Variants in ZNF143 observed in about 807,000 individuals in gnomAD.
ZNF143 encodes the protein SPH-binding factor.
ZNF143 carries 49 observed loss-of-function variants against 74.1 expected under a neutral mutation model. The ratio of observed to expected loss-of-function variants is 0.66; its 90% CI spans 0.53 to 0.84. The LOEUF (loss-of-function observed/expected upper bound fraction) is 0.84. Ranked by LOEUF, ZNF143 falls within the 40% of genes least tolerant of loss-of-function variation. The pLI, the probability that ZNF143 is intolerant of heterozygous loss-of-function variation, is 0.00. For synonymous variants in ZNF143, 304 were observed against 282.8 expected, an observed-to-expected ratio of 1.07 and a Z score of -0.75; for missense variants, 637 against 793.4, an observed-to-expected ratio of 0.80 and a Z score of 2.37.
At chr11:9,507,521 C>G (rs1848405970) in intron 11 of ZNF143, among the ~76,000 whole-genome samples, 1 of 152,180 alleles carries the variant, frequency 6.6e-6, no homozygotes, top group Non-Finnish European at 1.5e-5. Flanking sequence ...GTTTGCAATT[C>G]TTCCCCTCAC....
intron 9 of ZNF143, among the ~76,000 whole-genome samples, 157 bp from the exon 10 acceptor site, chr11:9,497,518 A>T (rs1848003736): frequency 6.6e-6 from 1 of 152,160 alleles, no homozygotes; most frequent in Non-Finnish European, 1.5e-5. Flanking sequence ...GGCGTGAGCC[A>T]CCGTGCCCGG....
chr11:9,527,437 G>A (rs1589962360), intron 15 of ZNF143, 93 bp from the exon 16 acceptor site: 3 of 1,147,152 alleles, frequency 2.6e-6, no homozygotes, highest in South Asian at 2.6e-5. Flanking sequence ...ATTACAGAGA[G>A]AAGTTTCACT....
chr11:9,510,572 A>C (rs972940628), intron 12 of ZNF143, among the ~76,000 whole-genome samples: 1 of 152,232 alleles, frequency 6.6e-6, no homozygotes, highest in Admixed American at 6.5e-5. Flanking sequence ...AACCTGTTGG[A>C]ATAATGGTAT....
chr11:9,523,029 A>G (rs1318048760), intron 14 of ZNF143, among the ~76,000 whole-genome samples: 1 of 152,084 alleles, frequency 6.6e-6, no homozygotes, highest in Admixed American at 6.5e-5. Flanking sequence ...TCGGCCTCCC[A>G]AAGTGCTAGG....
intron 14 of ZNF143, among the ~76,000 whole-genome samples, chr11:9,521,561 G>GT (rs146660105): frequency 1.7e-4 from 26 of 148,608 alleles, no homozygotes; most frequent in African/African-American, 3.5e-4. Flanking sequence ...TTTTGCGGAG[G>GT]TTTTTTTTTG....
intron 13 of ZNF143, among the ~76,000 whole-genome samples, chr11:9,513,764 G>A (rs1397902139): frequency 1.3e-5 from 2 of 152,174 alleles, no homozygotes; most frequent in African/African-American, 2.4e-5. Flanking sequence ...GTGTGGTGGC[G>A]CTCTCGTGTA....
At chr11:9,491,928 C>T (rs1168935383) in intron 7 of ZNF143, among the ~76,000 whole-genome samples, 2 of 152,058 alleles carry the variant, frequency 1.3e-5, no homozygotes, top group African/African-American at 4.8e-5. Context: ...CTGTGCCCAG[C>T]CTACATACTA....
intron 15 of ZNF143, among the ~76,000 whole-genome samples, chr11:9,526,902 G>A (rs141459262): frequency 0.05 from 7,600 of 152,234 alleles, 292 homozygotes; most frequent in Non-Finnish European, 0.078. Context: ...TTGGCTCACT[G>A]CAAGCTCCGC....
At chr11:9,471,574 C>T (rs549808381) in intron 2 of ZNF143, among the ~76,000 whole-genome samples, 154 bp downstream of exon 2, 9 of 150,684 alleles carry the variant, frequency 6.0e-5, no homozygotes, top group East Asian at 1.9e-4. Flanking sequence ...TGAAACGGGA[C>T]GGAGTTTTAC....
Position 9,519,182 on chromosome 11 carries a change from G to A in ZNF143, c.1686+2820G>A, listed in dbSNP as rs138443902. 9.5e-3 allele frequency among the ~76,000 whole-genome samples: 1,444 copies of A among 151,426 alleles called. 28 individuals carry two copies. Among genetic ancestry groups the A allele is most frequent in the African/African-American group, 0.034 (1,387 of 41,272 alleles). The stretch of plus-strand genomic sequence containing the variant: ...TATAGTCAGTACTCACTCTCCTTAG[G>A]CAAAAACTGTTGTGATTGAATTAGT... On this transcript the variant is annotated intron_variant, in intron 14 of 15. Transcript: ENST00000396602.
intron 3 of ZNF143, 123 bp from the exon 4 acceptor site, chr11:9,473,818 G>A (rs1212944863): frequency 8.2e-6 from 13 of 1,587,196 alleles, no homozygotes; most frequent in African/African-American, 4.0e-5. Context: ...AACATTGAGG[G>A]AAGAATCAAG....
intron 1 of ZNF143, among the ~76,000 whole-genome samples, chr11:9,466,773 A>C (rs1856247988): frequency 6.6e-6 from 1 of 152,110 alleles, no homozygotes. Flanking sequence ...TACAAAACAC[A>C]ATAAAATAGC....
intron 14 of ZNF143, among the ~76,000 whole-genome samples, chr11:9,520,687 G>A (rs1480217127): frequency 6.6e-6 from 1 of 152,188 alleles, no homozygotes; most frequent in Non-Finnish European, 1.5e-5. Context: ...TACTCAGGAG[G>A]CTGAGGCAGG....
intron 7 of ZNF143, among the ~76,000 whole-genome samples, chr11:9,486,644 T>C (rs1298177456): frequency 1.4e-5 from 2 of 146,150 alleles, no homozygotes; most frequent in Non-Finnish European, 3.0e-5. Context: ...GAAAAAACAT[T>C]ATTGACTTAG....
intron 7 of ZNF143, among the ~76,000 whole-genome samples, chr11:9,483,918 G>A (rs1049239160): frequency 2.7e-5 from 4 of 150,666 alleles, no homozygotes; most frequent in African/African-American, 7.4e-5. Flanking sequence ...CACAGCTGAC[G>A]TTTGTATTTT....
intron 7 of ZNF143, among the ~76,000 whole-genome samples, chr11:9,485,656 A>G (rs1465208132): frequency 6.6e-6 from 1 of 151,358 alleles, no homozygotes. Flanking sequence ...TTGTTTCTTA[A>G]TCTTCCTGGC....
chr11:9,489,612 A>G (rs1223885217), intron 7 of ZNF143, among the ~76,000 whole-genome samples: 1 of 152,190 alleles, frequency 6.6e-6, no homozygotes, highest in Non-Finnish European at 1.5e-5. Flanking sequence ...GGAGGAAGCA[A>G]TAGAATAACA....
chr11:9,497,033 C>T (rs1427823358), intron 9 of ZNF143, among the ~76,000 whole-genome samples: 1 of 152,172 alleles, frequency 6.6e-6, no homozygotes, highest in Non-Finnish European at 1.5e-5. Flanking sequence ...CCTTTGCATC[C>T]AGCAGGGCTG....
intron 7 of ZNF143, among the ~76,000 whole-genome samples, chr11:9,481,811 C>A (rs1847248082): frequency 6.7e-6 from 1 of 149,198 alleles, no homozygotes; most frequent in Non-Finnish European, 1.5e-5. Context: ...TCGCTTGAAC[C>A]TGGGAGGTGG....
Sources: gnomAD v4.1 joint callset for allele counts (sites outside exome capture counted in the v4.1 genomes callset) on GRCh38, gnomAD v4.1.1 for gene constraint, MANE v1.5 for transcripts, NCBI Gene and HGNC (gene_info 2026-07-23, HGNC 2026-07-21) for gene names.